MMP16: variants seen among roughly 807,000 people sequenced by gnomAD.
The protein encoded by MMP16 is matrix metalloproteinase-16.
Under a neutral mutation model 67.8 loss-of-function variants are expected in MMP16, and 12 were observed. The observed-to-expected ratio is 0.18, with a 90% CI of 0.11 to 0.29. The LOEUF is 0.29. MMP16 is among the 10% of genes least tolerant of loss of function. MMP16 has a pLI of 1.00. For synonymous variants in MMP16, 249 were observed against 255.9 expected (o/e 0.97, Z 0.26); for missense variants, 475 against 765.7 (o/e 0.62, Z 4.48).
intron 9 of MMP16, 139 bp downstream of exon 9, chr8:88,046,530 A>G (rs1808201159): frequency 2.5e-6 from 1 of 406,164 alleles, no homozygotes; most frequent in African/African-American, 2.1e-5. Context: ...TCTAGGAAAA[A>G]AAGTTCATAT....
At chr8:88,141,152 C>T (rs2118501543) in intron 4 of MMP16, among the ~76,000 whole-genome samples, 1 of 152,236 alleles carries the variant, frequency 6.6e-6, no homozygotes, top group African/African-American at 2.4e-5. Flanking sequence ...GGCTCTCTCC[C>T]ACTTCCTGCA....
intron 3 of MMP16, 180 bp downstream of exon 3, chr8:88,186,296 A>T: frequency 3.1e-6 from 2 of 644,216 alleles, no homozygotes; most frequent in Non-Finnish European, 5.1e-6. Flanking sequence ...CAGAGTGTCT[A>T]CATAGGGTGT....
intron 1 of MMP16, among the ~76,000 whole-genome samples, chr8:88,259,122 T>G (rs1267282977): frequency 6.6e-6 from 1 of 152,156 alleles, no homozygotes; most frequent in Admixed American, 6.5e-5. Context: ...GTAACTGAAC[T>G]GTCATTTGAA....
At chr8:88,045,471 A>G (rs1417218151) in intron 9 of MMP16, among the ~76,000 whole-genome samples, 1 of 152,056 alleles carries the variant, frequency 6.6e-6, no homozygotes, top group East Asian at 1.9e-4. Flanking sequence ...TCTGGGTTCA[A>G]GCAATCCTCC....
intron 4 of MMP16, among the ~76,000 whole-genome samples, chr8:88,133,015 C>T (rs1340981134): frequency 1.3e-5 from 2 of 151,922 alleles, no homozygotes; most frequent in South Asian, 4.1e-4. Context: ...ACTGGTAAAG[C>T]CAGGATTCAA....
intron 8 of MMP16, among the ~76,000 whole-genome samples, chr8:88,054,423 A>G (rs190273591): frequency 3.4e-4 from 52 of 152,214 alleles, no homozygotes; most frequent in African/African-American, 1.3e-3. Context: ...AAGTCTGCAG[A>G]TTTACTTTCA....
chr8:88,299,555 C>T (rs1024772371), intron 1 of MMP16, among the ~76,000 whole-genome samples: 3 of 152,080 alleles, frequency 2.0e-5, no homozygotes, highest in East Asian at 1.9e-4. Context: ...TTCCACCTGC[C>T]AAATTTGAAA....
At chr8:88,202,238 A>G (rs571633862) in intron 1 of MMP16, among the ~76,000 whole-genome samples, 2 of 152,340 alleles carry the variant, frequency 1.3e-5, no homozygotes, top group Admixed American at 6.5e-5. Flanking sequence ...CATCTTATCA[A>G]TTAAGAGGCA....
intron 1 of MMP16, among the ~76,000 whole-genome samples, chr8:88,238,874 C>CA (rs1467919571): frequency 2.0e-5 from 3 of 151,920 alleles, no homozygotes; most frequent in Non-Finnish European, 4.4e-5. Flanking sequence ...CCTGTAATCC[C>CA]ACCACTTTGG....
At chr8:88,141,606 A>G (rs1397256477) in intron 4 of MMP16, among the ~76,000 whole-genome samples, 2 of 152,218 alleles carry the variant, frequency 1.3e-5, no homozygotes, top group African/African-American at 4.8e-5. Context: ...TCTACTTAAT[A>G]GAGGTACAGT....
At chr8:88,089,920 T>C (rs946349689) in intron 6 of MMP16, among the ~76,000 whole-genome samples, 1 of 152,032 alleles carries the variant, frequency 6.6e-6, no homozygotes, top group African/African-American at 2.4e-5. Context: ...AACACATTTA[T>C]ATATGTGGAA....
At chr8:88,315,118 T>C (rs371703175) in intron 1 of MMP16, among the ~76,000 whole-genome samples, 1 of 152,210 alleles carries the variant, frequency 6.6e-6, no homozygotes, top group Non-Finnish European at 1.5e-5. Context: ...TGGGATGGGA[T>C]AGGCATACCT....
At chr8:88,070,991 CA>C (rs763273151) in intron 7 of MMP16, among the ~76,000 whole-genome samples, 15 of 151,910 alleles carry the variant, frequency 9.9e-5, no homozygotes, top group Non-Finnish European at 2.1e-4. Context: ...TACTAAAAAG[CA>C]GTAAGATTAT....
At chr8:88,204,860 AC>A (rs1809402088) in intron 1 of MMP16, among the ~76,000 whole-genome samples, 1 of 152,214 alleles carries the variant, frequency 6.6e-6, no homozygotes, top group South Asian at 2.1e-4. Context: ...TCTGACTATG[AC>A]AATTCTCAAG....
At position 88,224,880 on chromosome 8, in the gene MMP16, C is replaced by T. The variant is rs559395726; in HGVS notation, c.133-27574G>A. Among the ~76,000 whole-genome samples the T allele has an allele frequency of 6.6e-5, 10 of 152,012 alleles. No homozygotes were observed. In the East Asian group the frequency reaches 1.9e-3, roughly 30 times the overall value. ...GACAGTATTTCCCAGCCTTATTTGA[C>T]CACACAACCTTTAAATTATGTATTT... On this transcript the variant is annotated intron_variant, in intron 1 of 9. Coordinates refer to ENST00000286614, the MANE Select transcript of MMP16 (RefSeq NM_005941.5).
rs1196285741 is a variant in MMP16 at position 88,032,033 on chromosome 8, GAC to G, written c.*9426_*9427del. On this transcript the variant is annotated 3_prime_UTR_variant, in exon 10 of 10. Transcript: ENST00000286614. ...CCATTTTTCTGTTCTCTTATTTATT[GAC>G]AGTTTCTTTTAATTACAACACAATG... 2.6e-5 allele frequency: 4 copies of G among 152,018 alleles called. No homozygotes were observed. The East Asian group carries it at 7.7e-4, about 29-fold the overall frequency. 9.4% of individuals were successfully genotyped at this position (152,018 alleles called of 1,614,324 possible).
intron 6 of MMP16, among the ~76,000 whole-genome samples, chr8:88,114,765 A>G (rs2118423413): frequency 6.6e-6 from 1 of 152,138 alleles, no homozygotes; most frequent in Non-Finnish European, 1.5e-5. Context: ...CTGTCCTGTC[A>G]GGAATTTTGA....
At chr8:88,068,889 C>T (rs2616492) in intron 7 of MMP16, among the ~76,000 whole-genome samples, 118,917 of 151,880 alleles carry the variant, frequency 0.78, 46,793 homozygotes, top group African/African-American at 0.87. Context: ...TTTAGTAGAG[C>T]TGGGATTTCA....
chr8:88,179,143 C>A (rs983504444), intron 3 of MMP16, among the ~76,000 whole-genome samples: 3 of 151,718 alleles, frequency 2.0e-5, no homozygotes, highest in Non-Finnish European at 4.4e-5. Flanking sequence ...AAAAACTATA[C>A]CTAAGCATAT....
Sources: allele counts gnomAD v4.1 joint callset (sites outside exome capture counted in the v4.1 genomes callset), GRCh38; gene constraint gnomAD v4.1.1; transcripts MANE v1.5; gene names NCBI Gene and HGNC (gene_info 2026-07-23, HGNC 2026-07-21).